ETV6: variants seen among roughly 807,000 people sequenced by gnomAD.
ETV6 encodes transcription factor ETV6.
A neutral mutation model predicts 51.1 loss-of-function variants in ETV6; 16 were observed. That is an observed-to-expected ratio of 0.31 (90% CI 0.21 to 0.48). The LOEUF is 0.48. Ranked by LOEUF, ETV6 falls within the 20% of genes least tolerant of loss-of-function variation. The probability of loss-of-function intolerance (pLI) is 0.99; values close to 1 mark genes in which losing one functional copy is unlikely to be tolerated. For missense variants in ETV6, 458 were observed against 594.8 expected (o/e 0.77, Z 2.39); for synonymous variants, 240 against 224.1 (o/e 1.07, Z -0.64).
chr12:11,747,655 C>A (rs1373981214), intron 1 of ETV6, among the ~76,000 whole-genome samples: 1 of 151,988 alleles, frequency 6.6e-6, no homozygotes. Flanking sequence ...TTGGAGTGGA[C>A]AAAATATTCA....
At chr12:11,735,846 C>G (rs1316014133) in intron 1 of ETV6, among the ~76,000 whole-genome samples, 1 of 152,216 alleles carries the variant, frequency 6.6e-6, no homozygotes, top group South Asian at 2.1e-4. Context: ...GTGATCCACC[C>G]GCCTTGGCCT....
At chr12:11,740,184 A>ACG (rs1231040975) in intron 1 of ETV6, among the ~76,000 whole-genome samples, 3 of 152,196 alleles carry the variant, frequency 2.0e-5, no homozygotes, top group Non-Finnish European at 4.4e-5. Context: ...AAATCTCCGT[A>ACG]ATCGTCAGTG....
intron 3 of ETV6, among the ~76,000 whole-genome samples, chr12:11,852,909 G>A (rs955518232): frequency 6.6e-5 from 10 of 152,114 alleles, no homozygotes; most frequent in African/African-American, 1.2e-4. Context: ...TTTTGGGGCC[G>A]TGCACGGTAG....
intron 1 of ETV6, among the ~76,000 whole-genome samples, chr12:11,722,323 A>G (rs900163235): frequency 2.6e-5 from 4 of 152,116 alleles, no homozygotes; most frequent in Non-Finnish European, 4.4e-5. Flanking sequence ...GAGCAGCTCC[A>G]GGGAGGAGAA....
At chr12:11,729,815 A>G (rs1264198023) in intron 1 of ETV6, among the ~76,000 whole-genome samples, 1 of 152,240 alleles carries the variant, frequency 6.6e-6, no homozygotes, top group Non-Finnish European at 1.5e-5. Context: ...CTGAAGTAGA[A>G]GGTCACCTCT....
At chr12:11,747,971 T>C (rs1865938563) in intron 1 of ETV6, among the ~76,000 whole-genome samples, 1 of 152,244 alleles carries the variant, frequency 6.6e-6, no homozygotes, top group South Asian at 2.1e-4. Context: ...CTGTTGAATC[T>C]GTAGAAGTTG....
At chr12:11,808,732 G>GT (rs1386761079) in intron 2 of ETV6, among the ~76,000 whole-genome samples, 10 of 152,308 alleles carry the variant, frequency 6.6e-5, no homozygotes, top group African/African-American at 2.4e-4. Flanking sequence ...ACCAAAGAGG[G>GT]TAATAGCAGG....
intron 4 of ETV6, among the ~76,000 whole-genome samples, chr12:11,866,461 G>A (rs908314724): frequency 6.6e-6 from 1 of 152,174 alleles, no homozygotes; most frequent in African/African-American, 2.4e-5. Context: ...ACACTGGATT[G>A]TGTTCTATTC....
chr12:11,833,789 A>G (rs1466758270), intron 2 of ETV6, among the ~76,000 whole-genome samples: 1 of 152,204 alleles, frequency 6.6e-6, no homozygotes, highest in African/African-American at 2.4e-5. Flanking sequence ...TGCTGTTATT[A>G]GGCTACACAA....
At chr12:11,713,809 TAA>T (rs554329173) in intron 1 of ETV6, among the ~76,000 whole-genome samples, 1 of 152,102 alleles carries the variant, frequency 6.6e-6, no homozygotes. Context: ...CCTGGGAGTT[TAA>T]AAAAATCCTC....
At chr12:11,659,865 C>G (rs1370972958) in intron 1 of ETV6, among the ~76,000 whole-genome samples, 1 of 152,166 alleles carries the variant, frequency 6.6e-6, no homozygotes, top group East Asian at 1.9e-4. Context: ...CAGAGCTGCC[C>G]ACCTCACTTG....
chr12:11,815,880 C>T (rs1945985964), intron 2 of ETV6, among the ~76,000 whole-genome samples: 2 of 152,180 alleles, frequency 1.3e-5, no homozygotes, highest in African/African-American at 4.8e-5. Context: ...AAAAATGATA[C>T]AGAAGGCAGT....
intron 1 of ETV6, among the ~76,000 whole-genome samples, chr12:11,668,081 G>A (rs570133587): frequency 7.9e-5 from 12 of 152,232 alleles, no homozygotes; most frequent in Non-Finnish European, 1.5e-4. Flanking sequence ...TGATCCTCCA[G>A]CCTCAGCCTC....
At chr12:11,800,401 C>T (rs1030936697) in intron 2 of ETV6, among the ~76,000 whole-genome samples, 1 of 152,098 alleles carries the variant, frequency 6.6e-6, no homozygotes, top group Non-Finnish European at 1.5e-5. Context: ...ACTCACATAC[C>T]TGTTTTTTGT....
intron 2 of ETV6, among the ~76,000 whole-genome samples, chr12:11,837,806 T>G (rs924136352): frequency 2.0e-5 from 3 of 152,384 alleles, no homozygotes; most frequent in East Asian, 3.9e-4. Context: ...AACATCCAGC[T>G]TCTTCTGACC....
intron 1 of ETV6, among the ~76,000 whole-genome samples, chr12:11,734,841 C>T (rs927885917): frequency 2.6e-5 from 4 of 152,124 alleles, no homozygotes; most frequent in Non-Finnish European, 4.4e-5. Flanking sequence ...GCTTCCAAGC[C>T]GTAGCTCTTA....
intron 1 of ETV6, among the ~76,000 whole-genome samples, chr12:11,729,832 G>C (rs942713649): frequency 6.6e-6 from 1 of 152,110 alleles, no homozygotes; most frequent in Non-Finnish European, 1.5e-5. Context: ...CTCTTTTGTA[G>C]TGAAAAAATA....
intron 1 of ETV6, among the ~76,000 whole-genome samples, chr12:11,692,129 C>T (rs187281968): frequency 6.6e-6 from 1 of 152,250 alleles, no homozygotes; most frequent in East Asian, 1.9e-4. Context: ...GGGTTCTGCC[C>T]TCATGAATAG....
At chr12:11,870,748 T>C (rs1011838035) in intron 5 of ETV6, among the ~76,000 whole-genome samples, 3 of 152,180 alleles carry the variant, frequency 2.0e-5, no homozygotes, top group African/African-American at 7.2e-5. Flanking sequence ...ACAGAGCTAG[T>C]TTAACATGCA....
Sources: allele counts gnomAD v4.1 joint callset (sites outside exome capture counted in the v4.1 genomes callset), GRCh38; gene constraint gnomAD v4.1.1; transcripts MANE v1.5; gene names NCBI Gene and HGNC (gene_info 2026-07-23, HGNC 2026-07-21).